PRELID2: variants seen among roughly 807,000 people sequenced by gnomAD.
PRELID2 encodes the protein PRELI domain-containing protein 2.
In PRELID2, 25 loss-of-function variants were observed where a neutral mutation model predicts 28.4. That is an observed-to-expected ratio of 0.88 (90% CI 0.64 to 1.23). PRELID2 has a LOEUF of 1.23. Ranked by LOEUF, PRELID2 falls within the 50% of genes most tolerant of loss-of-function variation. The probability of loss-of-function intolerance (pLI) is 0.00; values close to 1 mark genes in which losing one functional copy is unlikely to be tolerated. For missense variants in PRELID2, 201 were observed against 214.4 expected (o/e 0.94, Z 0.39); for synonymous variants, 76 against 71.6 (o/e 1.06, Z -0.31).
chr5:145,587,400 C>T (rs1012249271), intron 1 of PRELID2, among the ~76,000 whole-genome samples: 3 of 152,084 alleles, frequency 2.0e-5, no homozygotes, highest in African/African-American at 7.2e-5. Context: ...CATCAGCAAG[C>T]ATTAGAAAGA....
At chr5:145,732,163 C>T (rs1756364892) in intron 1 of PRELID2, among the ~76,000 whole-genome samples, 1 of 152,120 alleles carries the variant, frequency 6.6e-6, no homozygotes, top group Non-Finnish European at 1.5e-5. Context: ...TGTAGAATTC[C>T]ACCAGAGAGC....
chr5:145,725,643 A>G (rs1756125121), intron 1 of PRELID2, among the ~76,000 whole-genome samples: 1 of 152,188 alleles, frequency 6.6e-6, no homozygotes, highest in South Asian at 2.1e-4. Context: ...AAAGGACATC[A>G]GTGTAGGGAG....
At chr5:145,324,130 G>A in the PRELID2 span, among the ~76,000 whole-genome samples, 1 of 152,174 alleles carries the variant, frequency 6.6e-6, no homozygotes, top group Admixed American at 6.5e-5. Flanking sequence ...GACTAATGGG[G>A]AAATCAGACC....
intron 4 of PRELID2, among the ~76,000 whole-genome samples, chr5:145,807,799 G>A (rs1366495790): frequency 1.3e-5 from 2 of 152,094 alleles, no homozygotes; most frequent in Non-Finnish European, 2.9e-5. Flanking sequence ...TAGACAGATG[G>A]TGATGAAGCA....
chr5:145,523,318 G>A (rs560959931), intron 1 of PRELID2, among the ~76,000 whole-genome samples: 109 of 152,176 alleles, frequency 7.2e-4, no homozygotes, highest in African/African-American at 2.4e-3. Context: ...AATAGGTATC[G>A]CTAACATTTT....
At chr5:145,417,807 G>T in the PRELID2 span, among the ~76,000 whole-genome samples, 2 of 152,098 alleles carry the variant, frequency 1.3e-5, no homozygotes, top group Non-Finnish European at 1.5e-5. Context: ...ATGGGCAAAA[G>T]CTGGAGGCAT....
At chr5:145,495,205 G>A (rs1752300199) in intron 1 of PRELID2, among the ~76,000 whole-genome samples, 1 of 152,040 alleles carries the variant, frequency 6.6e-6, no homozygotes, top group Non-Finnish European at 1.5e-5. Flanking sequence ...CTGTACTTAT[G>A]GGCACAGTCT....
At chr5:145,395,458 C>G in the PRELID2 span, among the ~76,000 whole-genome samples, 170 of 151,670 alleles carry the variant, frequency 1.1e-3, no homozygotes, top group East Asian at 4.0e-3. Context: ...TCCAAGTCCT[C>G]TTCAGAAGGG....
intron 2 of PRELID2, among the ~76,000 whole-genome samples, chr5:145,472,845 G>C (rs985586008): frequency 6.6e-6 from 1 of 152,028 alleles, no homozygotes; most frequent in Non-Finnish European, 1.5e-5. Context: ...TCATTCTCTG[G>C]TCTGATAAGT....
At chr5:145,723,246 A>G (rs1756040896) in intron 1 of PRELID2, among the ~76,000 whole-genome samples, 1 of 152,200 alleles carries the variant, frequency 6.6e-6, no homozygotes, top group African/African-American at 2.4e-5. Flanking sequence ...TAAGAAATTC[A>G]TGAATATAAA....
the PRELID2 span, among the ~76,000 whole-genome samples, chr5:145,396,649 C>T: frequency 1.3e-5 from 2 of 151,992 alleles, no homozygotes; most frequent in African/African-American, 4.8e-5. Context: ...AGATAAAAAG[C>T]TAGGGACTTC....
the PRELID2 span, among the ~76,000 whole-genome samples, chr5:145,394,975 A>C: frequency 1.3e-5 from 2 of 152,002 alleles, no homozygotes; most frequent in African/African-American, 2.4e-5. Flanking sequence ...GGGTTTTCTC[A>C]TCTTAATTTT....
intron 1 of PRELID2, among the ~76,000 whole-genome samples, chr5:145,477,289 T>C (rs930608167): frequency 6.6e-6 from 1 of 152,216 alleles, no homozygotes; most frequent in Non-Finnish European, 1.5e-5. Flanking sequence ...CTCACTGCTC[T>C]ACATTTCTCT....
intron 1 of PRELID2, among the ~76,000 whole-genome samples, chr5:145,662,782 C>CA (rs34354653): frequency 2.2e-4 from 34 of 152,064 alleles, no homozygotes; most frequent in Non-Finnish European, 4.9e-4. Context: ...TCACCACCAG[C>CA]AAAAAGGCTC....
chr5:145,630,560 T>C (rs1209580932), intron 1 of PRELID2, among the ~76,000 whole-genome samples: 1 of 152,232 alleles, frequency 6.6e-6, no homozygotes, highest in Non-Finnish European at 1.5e-5. Context: ...CTGTCTTTTC[T>C]TTCCTTAAAA....
intron 1 of PRELID2, among the ~76,000 whole-genome samples, chr5:145,713,832 G>T (rs1755771834): frequency 6.7e-6 from 1 of 149,918 alleles, no homozygotes; most frequent in Admixed American, 6.7e-5. Context: ...ATATATATAT[G>T]CCAGAAGACA....
At chr5:145,477,264 C>T (rs1217111938) in intron 1 of PRELID2, among the ~76,000 whole-genome samples, 1 of 152,164 alleles carries the variant, frequency 6.6e-6, no homozygotes, top group African/African-American at 2.4e-5. Flanking sequence ...TTTCTCAAAG[C>T]TCTGCTTCTC....
intron 5 of PRELID2, among the ~76,000 whole-genome samples, chr5:145,784,331 C>T (rs186600666): frequency 6.6e-6 from 1 of 151,888 alleles, no homozygotes; most frequent in African/African-American, 2.4e-5. Flanking sequence ...TTTCAGTAGT[C>T]TTCAAAGTAG....
At chr5:145,279,549 GCACA>G in the PRELID2 span, among the ~76,000 whole-genome samples, 1 of 152,114 alleles carries the variant, frequency 6.6e-6, no homozygotes, top group Non-Finnish European at 1.5e-5. Flanking sequence ...AAACCATTTA[GCACA>G]GTGCTTGCCA....
Sources: allele counts gnomAD v4.1 joint callset (sites outside exome capture counted in the v4.1 genomes callset), GRCh38; gene constraint gnomAD v4.1.1; transcripts MANE v1.5; gene names NCBI Gene and HGNC (gene_info 2026-07-23, HGNC 2026-07-21).